Variants in UGT2B4 observed in about 807,000 individuals in gnomAD.
The protein encoded by UGT2B4 is UDP-glucuronosyltransferase 2B4.
UGT2B4 carries 49 observed loss-of-function variants against 49.8 expected under a neutral mutation model. That is an observed-to-expected ratio of 0.98 (90% CI 0.78 to 1.25). The LOEUF is 1.25. Among genes scored for constraint, UGT2B4 ranks in the 50% most tolerant of loss-of-function variants. The pLI, the probability that UGT2B4 is intolerant of heterozygous loss-of-function variation, is 0.00. For missense variants in UGT2B4, 729 were observed against 627.7 expected (o/e 1.16, Z -1.73); for synonymous variants, 246 against 217.7 (o/e 1.13, Z -1.14).
intron 1 of UGT2B4, among the ~76,000 whole-genome samples, chr4:69,519,618 T>G (rs1168364058): frequency 7.2e-5 from 11 of 152,184 alleles, no homozygotes; most frequent in Admixed American, 7.2e-4. Flanking sequence ...ATAAGACAGC[T>G]ACAAAAATAA....
chr4:69,514,236 C>G (rs1212373149), intron 1 of UGT2B4, among the ~76,000 whole-genome samples: 1 of 152,094 alleles, frequency 6.6e-6, no homozygotes, highest in Non-Finnish European at 1.5e-5. Context: ...CTATCCCTCC[C>G]CACTCCCACA....
chr4:69,524,448 G>A (rs537934829), intron 1 of UGT2B4, among the ~76,000 whole-genome samples: 1 of 151,872 alleles, frequency 6.6e-6, no homozygotes, highest in South Asian at 2.1e-4. Context: ...GCACTCAGTA[G>A]ACAAATAATA....
rs1157898949 is a variant in UGT2B4, at chr4:69,502,091, CTCTTTCTTTCTT to C, written c.-105-6137_-105-6126del. On this transcript the variant is annotated intron_variant, in intron 1 of 1. Transcript: ENST00000510114. The stretch of plus-strand genomic sequence containing the variant: ...CCTTCTTTTCTTTCTTTCTTTCTCT[CTCTTTCTTTCTT>C]TCTTTCTTTCTTTCTTTCTTTCTTT... Among the ~76,000 whole-genome samples, 823 of 108,502 alleles carry C rather than the reference CTCTTTCTTTCTT, an allele frequency of 7.6e-3. 13 individuals carry two copies. Among genetic ancestry groups the C allele is most frequent in the African/African-American group, 0.022 (638 of 29,240 alleles). The allele number at this position is 108,502 out of a possible 152,430, so 71.2% of individuals were successfully genotyped here.
chr4:69,494,865 G>A (rs553062590), intron 1 of UGT2B4, among the ~76,000 whole-genome samples: 1 of 152,196 alleles, frequency 6.6e-6, no homozygotes, highest in Admixed American at 6.5e-5. Context: ...TAATAAAACA[G>A]ATATGTGATT....
chr4:69,489,679 G>C, intron 2 of UGT2B4, 109 bp from the exon 3 acceptor site: 1 of 1,450,652 alleles, frequency 6.9e-7, no homozygotes, highest in East Asian at 2.4e-5. Context: ...GGAATTATTG[G>C]AGTAAAGGAT....
chr4:69,496,073 A>AC, upstream of UGT2B4: 4 of 500,584 alleles, frequency 8.0e-6, no homozygotes, highest in Middle Eastern at 5.6e-4. Context: ...TTCTTTTTGG[A>AC]TTTTTTTTTT....
chr4:69,521,759 A>G (rs1029756939), intron 1 of UGT2B4, among the ~76,000 whole-genome samples: 21 of 152,214 alleles, frequency 1.4e-4, no homozygotes, highest in African/African-American at 5.1e-4. Flanking sequence ...GTGAAGCGAT[A>G]TCCCGAGGAT....
chr4:69,506,909 G>A lies in UGT2B4; in HGVS notation c.-105-10943C>T, dbSNP rs1021851059. On this transcript the variant is annotated intron_variant, in intron 1 of 1. Coordinates refer to the UGT2B4 transcript ENST00000510114. The stretch of plus-strand genomic sequence containing the variant: ...GTAGGCATTATCCCCAGGATGCAAG[G>A]TTGACTCAGCCTACGGAAATAAATA... Among the ~76,000 whole-genome samples the A allele has an allele frequency of 5.9e-5, 9 of 152,254 alleles. No individual in the cohort carries two copies. The East Asian group carries it at 1.7e-3, about 29-fold the overall frequency.
intron 1 of UGT2B4, among the ~76,000 whole-genome samples, chr4:69,523,513 T>G (rs566542577): frequency 2.0e-5 from 3 of 151,054 alleles, no homozygotes; most frequent in African/African-American, 7.3e-5. Context: ...ATCTCAATAC[T>G]GGGCTTAAAA....
At chr4:69,500,380 T>C (rs1179694459), upstream of UGT2B4, among the ~76,000 whole-genome samples, 1 of 151,626 alleles carries the variant, frequency 6.6e-6, no homozygotes, top group Non-Finnish European at 1.5e-5. Context: ...CCTGGACATG[T>C]ATCCTGAAAC....
chr4:69,498,642 AG>A (rs1291851487), upstream of UGT2B4, among the ~76,000 whole-genome samples: 1 of 151,750 alleles, frequency 6.6e-6, no homozygotes, highest in African/African-American at 2.4e-5. Flanking sequence ...TAGATTTTCT[AG>A]TTTATTTGCA....
At position 69,480,894 on chromosome 4, in the gene UGT2B4, T is replaced by C. The variant is rs957075745; in HGVS notation, c.1327A>G (p.Met443Val). ...INDPLYKENA[M>V]KLSRIHHDQP... ...TCATGATGAATTCTTGATAATTTCA[T>C]AGCATTCTCTTTATATCTAAACGAT... The change falls in exon 6 of 6, where the codon ATG becomes GTG. Residue 443 changes from methionine (M) to valine (V), a missense_variant. Physicochemically the swap from Met to Val is conservative, Grantham distance 21. Coordinates refer to ENST00000305107, the MANE Select transcript of UGT2B4 (RefSeq NM_021139.3). The C allele has an allele frequency of 1.2e-6, 2 of 1,613,740 alleles. No homozygotes were observed. Among genetic ancestry groups the C allele is most frequent in the African/African-American group, 1.3e-5 (1 of 74,968 alleles).
chr4:69,525,893 A>G (rs1728972259), exon 1 of UGT2B4: 1 of 264,504 alleles, frequency 3.8e-6, no homozygotes, highest in African/African-American at 2.3e-5. Flanking sequence ...AGAGGTCAGG[A>G]GATCCAGACC....
intron 1 of UGT2B4, among the ~76,000 whole-genome samples, chr4:69,516,542 A>G (rs1249575802): frequency 6.6e-6 from 1 of 152,098 alleles, no homozygotes; most frequent in Non-Finnish European, 1.5e-5. Context: ...GTGTGAGATG[A>G]TGACTCATTG....
chr4:69,488,460 CTT>C (rs1355777488), intron 3 of UGT2B4, among the ~76,000 whole-genome samples: 2 of 152,042 alleles, frequency 1.3e-5, no homozygotes, highest in African/African-American at 4.8e-5. Flanking sequence ...GTTAAAGTAA[CTT>C]TGAGTTTTTG....
intron 1 of UGT2B4, among the ~76,000 whole-genome samples, chr4:69,513,895 G>T (rs1445896582): frequency 1.3e-5 from 2 of 152,104 alleles, no homozygotes; most frequent in Non-Finnish European, 2.9e-5. Context: ...TGATGCATAA[G>T]AATGCCAGTG....
intron 1 of UGT2B4, among the ~76,000 whole-genome samples, chr4:69,509,304 T>C (rs534076813): frequency 9.9e-5 from 15 of 151,816 alleles, no homozygotes; most frequent in Admixed American, 6.6e-4. Flanking sequence ...CCTGAGTAGC[T>C]GGGACTACAG....
At chr4:69,498,978 A>G (rs1447918817), upstream of UGT2B4, among the ~76,000 whole-genome samples, 2 of 151,992 alleles carry the variant, frequency 1.3e-5, no homozygotes, top group Non-Finnish European at 2.9e-5. Context: ...GAGGACTGTC[A>G]AGCTTTTTGA....
At chr4:69,505,820 C>T (rs1308377701) in intron 1 of UGT2B4, among the ~76,000 whole-genome samples, 1 of 152,138 alleles carries the variant, frequency 6.6e-6, no homozygotes, top group Non-Finnish European at 1.5e-5. Flanking sequence ...AGAAGTGAAA[C>T]ACTCTTTAGA....
Sources: allele counts gnomAD v4.1 joint callset (sites outside exome capture counted in the v4.1 genomes callset), GRCh38; gene constraint gnomAD v4.1.1; transcripts MANE v1.5; gene names NCBI Gene and HGNC (gene_info 2026-07-23, HGNC 2026-07-21).